The following SYNGR1 variants were observed in gnomAD, a reference collection of about 807,000 sequenced individuals.
SYNGR1 encodes synaptogyrin 1.
SYNGR1 carries 14 observed loss-of-function variants against 26.1 expected under a neutral mutation model. The observed-to-expected ratio is 0.54, with a 90% CI of 0.35 to 0.84. The LOEUF (loss-of-function observed/expected upper bound fraction) is 0.84. SYNGR1 is among the 40% of genes least tolerant of loss of function. SYNGR1 has a pLI of 0.01. For missense variants in SYNGR1, 319 were observed against 332.9 expected (o/e 0.96, Z 0.33); for synonymous variants, 141 against 150.1 (o/e 0.94, Z 0.44).
intron 3 of SYNGR1, chr22:39,377,829 T>TC: frequency 6.6e-7 from 1 of 1,525,218 alleles, no homozygotes. Context: ...CAATTCAGGT[T>TC]CTCCACTGAC....
chr22:39,363,067 G>A (rs1285739695), intron 1 of SYNGR1, among the ~76,000 whole-genome samples: 1 of 152,178 alleles, frequency 6.6e-6, no homozygotes, highest in African/African-American at 2.4e-5. Flanking sequence ...AGATGTGCGT[G>A]TTGAGGAGCC....
In SYNGR1 at chr22:39,374,459, C is replaced by G; in HGVS notation, c.243C>G (p.Thr81=). 1 of 1,614,006 alleles carries G rather than the reference C, an allele frequency of 6.2e-7. No individual in the cohort carries two copies. Among genetic ancestry groups the G allele is most frequent in the Non-Finnish European group, 8.5e-7 (1 of 1,180,028 alleles). Residue 81 remains threonine, a synonymous_variant, in exon 2 of 4, where the codon ACC becomes ACG. Transcript: ENST00000328933. ...GVAVGVLAFL[T]CLLYLALDVY... ...CCGTGGGCGTGCTCGCCTTCCTCAC[C>G]TGCCTGCTGTACCTGGCCCTGGACG...
At chr22:39,373,736 G>T (rs550603557) in intron 1 of SYNGR1, among the ~76,000 whole-genome samples, 1 of 152,196 alleles carries the variant, frequency 6.6e-6, no homozygotes, top group African/African-American at 2.4e-5. Context: ...TCCTACCTTG[G>T]CCTCCCAAAG....
chr22:39,359,360 G>A (rs972418698), intron 1 of SYNGR1, among the ~76,000 whole-genome samples: 2 of 151,932 alleles, frequency 1.3e-5, no homozygotes, highest in South Asian at 2.1e-4. Context: ...GGTGGCTCAC[G>A]CCTGTAATCC....
At chr22:39,361,026 T>C (rs996910119) in intron 1 of SYNGR1, among the ~76,000 whole-genome samples, 1 of 152,206 alleles carries the variant, frequency 6.6e-6, no homozygotes. Flanking sequence ...CCACGGTTCT[T>C]CAGGTGTCCC....
At position 39,350,019 on chromosome 22, in the gene SYNGR1, G is replaced by A; in HGVS notation, c.9G>A (p.Gly3=). 7.4e-7 allele frequency: 1 copy of A among 1,359,700 alleles called. No homozygotes were observed. 84.2% of individuals were successfully genotyped at this position (1,359,700 alleles called of 1,614,324 possible). A position where few individuals can be genotyped will look rare whatever the true frequency, so the allele number is the denominator to read the frequency against. ...GCGCGGGTGCAGCCACGATGGAAGG[G>A]GGTGCGTACGGAGCGGGCAAAGCCG... ME[G]GAYGAGKAGG... is the part of the protein sequence containing the mutation. Residue 3 remains glycine (G), a synonymous_variant, in exon 1 of 4, where the codon GGG becomes GGA. Transcript: ENST00000328933. This position sits in a 1 kb window ranked among gnomAD's most constrained non-coding sequence, Gnocchi z 4.3.
rs1250332190 is a variant in SYNGR1, at chr22:39,365,975, C to T, written c.100-8341C>T. ...TTGGGATTACAGGCGTGAGCCACCG[C>T]GCTCAGCCCCTTCTTTTTTTTTTTT... On this transcript the variant is annotated intron_variant, in intron 1 of 3. Coordinates refer to ENST00000328933, the MANE Select transcript of SYNGR1 (RefSeq NM_004711.5). 5.2e-5 allele frequency among the ~76,000 whole-genome samples: 6 copies of T among 114,960 alleles called. No individual in the cohort carries two copies. In the East Asian group the frequency reaches 2.5e-3, roughly 48 times the overall value. The allele number at this position is 114,960 out of a possible 152,430, so 75.4% of individuals were successfully genotyped here.
chr22:39,376,642 T>G (rs1925298936), intron 3 of SYNGR1, among the ~76,000 whole-genome samples: 1 of 152,208 alleles, frequency 6.6e-6, no homozygotes. Flanking sequence ...AGCCTCTGTC[T>G]TCCCATCCAT....
At position 39,376,043 on chromosome 22, in the gene SYNGR1, AC is replaced by A. The variant is rs777896754; in HGVS notation, c.338-3del. ...ACTGCCTATTCTGCCCGGTCCTGGG[AC>A]CCCCCAGCCTTCTGGGCTTTCCTCT... On this transcript the variant is annotated splice_region_variant and splice_polypyrimidine_tract_variant and intron_variant, in intron 2 of 3. Coordinates refer to ENST00000328933, the MANE Select transcript of SYNGR1 (RefSeq NM_004711.5). 1.2e-6 allele frequency: 2 copies of A among 1,611,716 alleles called. No homozygotes were observed. The highest frequency in any genetic ancestry group is 2.7e-5 in the African/African-American group (2 of 74,074).
chr22:39,374,789 A>T, intron 2 of SYNGR1: 1 of 584,040 alleles, frequency 1.7e-6, no homozygotes, highest in Non-Finnish European at 3.1e-6. Flanking sequence ...ATGGGATTCT[A>T]GTTCCTTCTA....
intron 3 of SYNGR1, chr22:39,377,181 G>A (rs1415497874): frequency 6.9e-7 from 1 of 1,455,770 alleles, no homozygotes; most frequent in African/African-American, 1.4e-5. Context: ...CCATCCTTCT[G>A]GTTTGCCCCG....
chr22:39,364,161 G>A (rs749952219), intron 1 of SYNGR1: 40 of 1,611,722 alleles, frequency 2.5e-5, no homozygotes, highest in Non-Finnish European at 2.7e-5. Flanking sequence ...TGCGGGACAC[G>A]GCTCAGGACC....
At chr22:39,359,527 A>G (rs1410872574) in intron 1 of SYNGR1, among the ~76,000 whole-genome samples, 1 of 148,214 alleles carries the variant, frequency 6.7e-6, no homozygotes, top group Admixed American at 6.8e-5. Context: ...GCTACCCGGG[A>G]GGCTGAGGCA....
At chr22:39,354,937 T>C (rs1227611285) in intron 1 of SYNGR1, among the ~76,000 whole-genome samples, 2 of 151,888 alleles carry the variant, frequency 1.3e-5, no homozygotes, top group Non-Finnish European at 2.9e-5. Flanking sequence ...GTGCCAGCCA[T>C]GGGGCCACAG....
At position 39,383,905 on chromosome 22, in the gene SYNGR1, G is replaced by T. The variant is rs1372597354; in HGVS notation, c.*1991G>T. 1.3e-5 allele frequency: 2 copies of T among 152,272 alleles called. No homozygotes were observed. The highest frequency in any genetic ancestry group is 2.9e-5 in the Non-Finnish European group (2 of 68,062). 9.4% of individuals were successfully genotyped at this position (152,272 alleles called of 1,614,324 possible). A position where few individuals can be genotyped will look rare whatever the true frequency, so the allele number is the denominator to read the frequency against. On this transcript the variant is annotated 3_prime_UTR_variant, in exon 4 of 4. Transcript: ENST00000328933. ...CAGGTGTGTCCAAGTCCTCCCAAAG[G>T]ACAGCAGTGATGGAGAGGACCCCAG... is the stretch of plus-strand genomic sequence containing the variant.
chr22:39,357,946 G>A (rs1030263722), intron 1 of SYNGR1, among the ~76,000 whole-genome samples: 6 of 152,366 alleles, frequency 3.9e-5, no homozygotes, highest in East Asian at 3.9e-4. Flanking sequence ...GCTCCACGGC[G>A]CCTAGTCCCA....
chr22:39,362,880 C>A (rs12158008), intron 1 of SYNGR1, among the ~76,000 whole-genome samples: 5,131 of 152,220 alleles, frequency 0.034, 325 homozygotes, highest in African/African-American at 0.12. Context: ...CCCCTCAAAG[C>A]CTTTCCTGAC....
Position 39,374,476 on chromosome 22 carries a change from C to T in SYNGR1, c.260C>T (p.Ala87Val), listed in dbSNP as rs1440566391. Residue 87 changes from alanine to valine, a missense_variant, in exon 2 of 4, where the codon GCC becomes GTC. Ala to Val is a moderately conservative substitution (Grantham distance 64, BLOSUM62 0). Transcript: ENST00000328933. ...LAFLTCLLYL[A>V]LDVYFPQISS... Reference sequence around the variant, plus strand: ...TTCCTCACCTGCCTGCTGTACCTGGCCCTGGACGTGTACTTCCCGCAGATC... The same window carrying T: ...TTCCTCACCTGCCTGCTGTACCTGGTCCTGGACGTGTACTTCCCGCAGATC... 1.2e-6 allele frequency: 2 copies of T among 1,613,780 alleles called. No individual in the cohort carries two copies. Among genetic ancestry groups the T allele is most frequent in the Admixed American group, 3.3e-5 (2 of 60,008 alleles).
At chr22:39,353,683 C>T (rs552403329) in intron 1 of SYNGR1, among the ~76,000 whole-genome samples, 1 of 152,294 alleles carries the variant, frequency 6.6e-6, no homozygotes, top group South Asian at 2.1e-4. Flanking sequence ...CGGTGACTGC[C>T]GCCTGTCAGT....
Sources: allele counts gnomAD v4.1 joint callset (sites outside exome capture counted in the v4.1 genomes callset), GRCh38; gene constraint gnomAD v4.1.1; non-coding constraint Gnocchi (gnomAD v3.1); transcripts MANE v1.5; gene names NCBI Gene and HGNC (gene_info 2026-07-23, HGNC 2026-07-21).